The following RAB2A variants were observed in gnomAD, a reference collection of about 807,000 sequenced individuals.
The protein encoded by RAB2A is RAB2A, member RAS oncogene family, also known as ras-related protein Rab-2A.
In RAB2A, 7 loss-of-function variants were observed where a neutral mutation model predicts 32.5. The observed-to-expected ratio is 0.22, with a 90% CI of 0.12 to 0.40. The LOEUF is 0.40. Ranked by LOEUF, RAB2A falls within the 10% of genes least tolerant of loss-of-function variation. RAB2A has a pLI of 1.00. For synonymous variants in RAB2A, 79 were observed against 85.2 expected (o/e 0.93, Z 0.40); for missense variants, 108 against 260.7 (o/e 0.41, Z 4.03).
chr8:60,561,152 T>C (rs1432628499), intron 2 of RAB2A, among the ~76,000 whole-genome samples: 1 of 152,238 alleles, frequency 6.6e-6, no homozygotes, highest in African/African-American at 2.4e-5. Flanking sequence ...AGCAGCTTCC[T>C]GCTGTTTGTA....
At chr8:60,533,674 T>C (rs1334793683) in intron 1 of RAB2A, among the ~76,000 whole-genome samples, 1 of 151,954 alleles carries the variant, frequency 6.6e-6, no homozygotes, top group Non-Finnish European at 1.5e-5. Context: ...TAAAGAAATA[T>C]AAGATACTAT....
upstream of RAB2A, chr8:60,516,976 C>G (rs968033134): frequency 4.7e-6 from 2 of 421,954 alleles, no homozygotes; most frequent in African/African-American, 4.2e-5. Context: ...GGAGGCGCCG[C>G]GGCGGCTGTT....
At position 60,597,628 on chromosome 8, in the gene RAB2A, T is replaced by A. The variant is rs193135848; in HGVS notation, c.474+5659T>A. Reference sequence around the variant, plus strand: ...GAAGTCTCAAAATAATTTTAACTCCTACTTCAAGAACCCAAAGCAAAATAA... The same window carrying A: ...GAAGTCTCAAAATAATTTTAACTCCAACTTCAAGAACCCAAAGCAAAATAA... On this transcript the variant is annotated intron_variant, in intron 6 of 7. Transcript: ENST00000262646. 1.6e-3 allele frequency among the ~76,000 whole-genome samples: 236 copies of A among 152,102 alleles called. 2 individuals are homozygous for A. Among genetic ancestry groups the A allele is most frequent in the Non-Finnish European group, 4.4e-4 (30 of 67,972 alleles).
chr8:60,601,223 A>G (rs949565354), intron 6 of RAB2A, among the ~76,000 whole-genome samples: 3 of 56,638 alleles, frequency 5.3e-5, no homozygotes, highest in Admixed American at 3.0e-4. Context: ...TTTGCTCTGT[A>G]TGTTGCGTTT....
intron 3 of RAB2A, among the ~76,000 whole-genome samples, chr8:60,575,443 G>A (rs1808257793): frequency 6.6e-6 from 1 of 151,998 alleles, no homozygotes; most frequent in Non-Finnish European, 1.5e-5. Flanking sequence ...TGAGTGAAAC[G>A]GGATTTTCCA....
chr8:60,581,947 T>C (rs932950003), intron 3 of RAB2A, among the ~76,000 whole-genome samples: 3 of 64,948 alleles, frequency 4.6e-5, no homozygotes, highest in African/African-American at 4.5e-4. Context: ...TTTTTCTTTC[T>C]TTTTTTTTTT....
In RAB2A at chr8:60,560,960, T is replaced by C. The variant is rs754400657; in HGVS notation, c.118+2037T>C. ...CCAGCTGGCGTCACACTATGTTTGC[T>C]AATGGCAGGCACTGGGAAATAAGAG... On this transcript the variant is annotated intron_variant, in intron 2 of 7. Coordinates refer to ENST00000262646, the MANE Select transcript of RAB2A (RefSeq NM_002865.3). Among the ~76,000 whole-genome samples, 11 of 152,204 alleles carry C rather than the reference T, an allele frequency of 7.2e-5. No individual in the cohort carries two copies. The East Asian group carries it at 2.1e-3, about 29-fold the overall frequency.
Position 60,600,952 on chromosome 8 carries a change from T to C in RAB2A, c.474+8983T>C, listed in dbSNP as rs1057215742. ...ACTACATAAATGTTACACGGGATTC[T>C]TCTGTATTATTTCTTACACCTGCAT... On this transcript the variant is annotated intron_variant, in intron 6 of 7. Coordinates refer to ENST00000262646, the MANE Select transcript of RAB2A (RefSeq NM_002865.3). Among the ~76,000 whole-genome samples, 5 of 152,250 alleles carry C rather than the reference T, an allele frequency of 3.3e-5. No homozygotes were observed. In the South Asian group the frequency reaches 1.0e-3, roughly 31 times the overall value.
chr8:60,580,028 A>T (rs1246838772), intron 3 of RAB2A, among the ~76,000 whole-genome samples: 1 of 141,278 alleles, frequency 7.1e-6, no homozygotes, highest in African/African-American at 2.7e-5. Flanking sequence ...AGACAGTCTC[A>T]CTCTGTTGCC....
Position 60,576,789 on chromosome 8 carries a change from T to G in RAB2A, c.186+4676T>G, listed in dbSNP as rs865858056. Among the ~76,000 whole-genome samples, 9 of 152,194 alleles carry G rather than the reference T, an allele frequency of 5.9e-5. No homozygotes were observed. The South Asian group carries it at 1.7e-3, about 28-fold the overall frequency. ...TGCCTCCCCACTTCTGCCTTTCCTC[T>G]CTGCTCCCATTACTGTCACTTCCTC... On this transcript the variant is annotated intron_variant, in intron 3 of 7. Coordinates refer to ENST00000262646, the MANE Select transcript of RAB2A (RefSeq NM_002865.3).
intron 1 of RAB2A, among the ~76,000 whole-genome samples, chr8:60,532,701 G>T (rs1312523832): frequency 1.3e-5 from 2 of 152,154 alleles, no homozygotes; most frequent in Admixed American, 1.3e-4. Context: ...GTAGAGACAA[G>T]GTTTCACTTT....
chr8:60,534,881 T>G (rs1232593431), intron 1 of RAB2A, among the ~76,000 whole-genome samples: 1 of 142,620 alleles, frequency 7.0e-6, no homozygotes, highest in Admixed American at 7.0e-5. Context: ...AACTCAGATA[T>G]TTGTACAATA....
intron 6 of RAB2A, among the ~76,000 whole-genome samples, chr8:60,617,607 G>A (rs943438155): frequency 6.6e-6 from 1 of 152,080 alleles, no homozygotes; most frequent in African/African-American, 2.4e-5. Flanking sequence ...TTAGCTGGGT[G>A]TGGCAGCACA....
chr8:60,546,583 A>G (rs1289521684), intron 1 of RAB2A, among the ~76,000 whole-genome samples: 1 of 152,218 alleles, frequency 6.6e-6, no homozygotes, highest in Non-Finnish European at 1.5e-5. Context: ...GAAGTGATCC[A>G]TGTTGGATTT....
Position 60,582,418 on chromosome 8 carries a change from C to T in RAB2A, c.187-1790C>T, listed in dbSNP as rs1309727771. 3.3e-5 allele frequency among the ~76,000 whole-genome samples: 5 copies of T among 152,106 alleles called. 1 individual carries two copies. The South Asian group carries it at 6.2e-4, about 19-fold the overall frequency. ...AAGTTATTTTCATTGAATCTCAGCACGTTAGGATTTACAGATGTCCACTCA... is the reference window on the plus strand; with the variant it reads ...AAGTTATTTTCATTGAATCTCAGCATGTTAGGATTTACAGATGTCCACTCA... On this transcript the variant is annotated intron_variant, in intron 3 of 7. Coordinates refer to ENST00000262646, the MANE Select transcript of RAB2A (RefSeq NM_002865.3).
intron 6 of RAB2A, among the ~76,000 whole-genome samples, chr8:60,603,600 G>A (rs1804175374): frequency 6.6e-6 from 1 of 152,184 alleles, no homozygotes; most frequent in Admixed American, 6.5e-5. Flanking sequence ...GCAGTATTGA[G>A]ATTGAGAAAC....
At chr8:60,564,798 T>A (rs907901350) in intron 2 of RAB2A, among the ~76,000 whole-genome samples, 2 of 152,234 alleles carry the variant, frequency 1.3e-5, no homozygotes, top group Admixed American at 1.3e-4. Context: ...GTAAGGTCCA[T>A]GACAGCAGAT....
intron 3 of RAB2A, among the ~76,000 whole-genome samples, chr8:60,572,859 C>T (rs1338930100): frequency 1.3e-5 from 2 of 152,100 alleles, no homozygotes; most frequent in South Asian, 2.1e-4. Context: ...ACCAAATATT[C>T]AATCATTAAT....
chr8:60,559,684 T>A (rs1807991494), intron 2 of RAB2A, among the ~76,000 whole-genome samples: 2 of 152,240 alleles, frequency 1.3e-5, no homozygotes, highest in African/African-American at 4.8e-5. Context: ...TGGATTATTC[T>A]TCTGTGGCTG....
Sources: allele counts gnomAD v4.1 joint callset (sites outside exome capture counted in the v4.1 genomes callset), GRCh38; gene constraint gnomAD v4.1.1; transcripts MANE v1.5; gene names NCBI Gene and HGNC (gene_info 2026-07-23, HGNC 2026-07-21).